Variants in CPQ observed in about 807,000 individuals in gnomAD.
The protein encoded by CPQ is carboxypeptidase Q, also known as Ser-Met dipeptidase.
In CPQ, 37 loss-of-function variants were observed where a neutral mutation model predicts 45.7. That is an observed-to-expected ratio of 0.81 (90% CI 0.62 to 1.07). The LOEUF (loss-of-function observed/expected upper bound fraction) is 1.07, where lower values mean the gene tolerates loss of function less well. Ranked by LOEUF, CPQ falls within the 50% of genes least tolerant of loss-of-function variation. The pLI is 0.00. For synonymous variants in CPQ, 186 were observed against 205.8 expected (o/e 0.90, Z 0.82); for missense variants, 537 against 572.9 (o/e 0.94, Z 0.64).
chr8:96,671,557 G>A (rs1563697801), intron 1 of CPQ, among the ~76,000 whole-genome samples: 1 of 152,068 alleles, frequency 6.6e-6, no homozygotes, highest in African/African-American at 2.4e-5. Flanking sequence ...AAAACAAATG[G>A]CCTACCTAAG....
chr8:96,887,832 A>G (rs1262741045), intron 4 of CPQ, among the ~76,000 whole-genome samples: 1 of 152,182 alleles, frequency 6.6e-6, no homozygotes, highest in Admixed American at 6.5e-5. Context: ...GCCTTGATGC[A>G]GTGAATTTTT....
At chr8:97,034,978 C>T (rs537674070) in intron 6 of CPQ, among the ~76,000 whole-genome samples, 41 of 151,860 alleles carry the variant, frequency 2.7e-4, no homozygotes, top group Middle Eastern at 3.4e-3. Context: ...CTGCAACCTC[C>T]GCCTCCCGGG....
intron 1 of CPQ, among the ~76,000 whole-genome samples, chr8:96,734,606 G>A (rs1254368445): frequency 1.3e-5 from 2 of 152,048 alleles, no homozygotes; most frequent in Admixed American, 6.5e-5. Flanking sequence ...AGCTACTCGG[G>A]AGGCTGAGGC....
chr8:96,653,957 T>G (rs149735062), intron 1 of CPQ, among the ~76,000 whole-genome samples: 68 of 152,362 alleles, frequency 4.5e-4, no homozygotes, highest in African/African-American at 1.5e-3. Flanking sequence ...AAAGTTTATC[T>G]TAAAATGTTT....
intron 1 of CPQ, among the ~76,000 whole-genome samples, chr8:96,708,431 G>GTATATA (rs1253933427): frequency 1.1e-5 from 1 of 91,656 alleles, no homozygotes; most frequent in African/African-American, 3.1e-5. Context: ...GTGTGTGTGT[G>GTATATA]TGTGTGTATA....
chr8:97,013,545 G>C (rs915663903), intron 5 of CPQ, among the ~76,000 whole-genome samples: 2 of 152,178 alleles, frequency 1.3e-5, no homozygotes, highest in African/African-American at 4.8e-5. Context: ...TCCAGAGAAA[G>C]GAGAGAGTGG....
At chr8:96,870,892 G>C (rs1314083454) in intron 3 of CPQ, among the ~76,000 whole-genome samples, 1 of 151,848 alleles carries the variant, frequency 6.6e-6, no homozygotes, top group Admixed American at 6.6e-5. Flanking sequence ...TTGAATAAAG[G>C]CCTTTCTCTG....
chr8:96,806,216 C>T (rs374355157), intron 2 of CPQ, among the ~76,000 whole-genome samples: 4 of 152,022 alleles, frequency 2.6e-5, no homozygotes, highest in Non-Finnish European at 4.4e-5. Context: ...CATCTTAGAG[C>T]CTCACACTAC....
intron 6 of CPQ, among the ~76,000 whole-genome samples, chr8:97,042,841 G>A (rs1038450589): frequency 1.3e-5 from 2 of 152,126 alleles, no homozygotes; most frequent in African/African-American, 4.8e-5. Context: ...TTGCACTGTG[G>A]TCTGAGAGAC....
intron 1 of CPQ, among the ~76,000 whole-genome samples, chr8:96,747,117 G>C (rs1986306): frequency 0.63 from 95,311 of 151,656 alleles, 30,470 homozygotes; most frequent in East Asian, 0.87. Flanking sequence ...ATGTTGAAAC[G>C]CTGTCTCTAC....
At chr8:96,717,904 A>G (rs1376770474) in intron 1 of CPQ, among the ~76,000 whole-genome samples, 1 of 152,176 alleles carries the variant, frequency 6.6e-6, no homozygotes, top group Non-Finnish European at 1.5e-5. Flanking sequence ...AGTGGGGAGT[A>G]GCAGGTGACA....
intron 4 of CPQ, among the ~76,000 whole-genome samples, chr8:96,935,151 T>G (rs1047910341): frequency 6.6e-6 from 1 of 152,166 alleles, no homozygotes; most frequent in African/African-American, 2.4e-5. Flanking sequence ...TTAACTTTTC[T>G]CAGTGTGGCT....
intron 6 of CPQ, among the ~76,000 whole-genome samples, chr8:97,042,952 T>C (rs1232312984): frequency 5.9e-5 from 9 of 152,022 alleles, no homozygotes; most frequent in Non-Finnish European, 1.2e-4. Flanking sequence ...CTGAAAAAAA[T>C]GTATATTCTG....
chr8:96,961,474 GTCT>G (rs748906163), intron 4 of CPQ, among the ~76,000 whole-genome samples: 8 of 152,190 alleles, frequency 5.3e-5, no homozygotes, highest in African/African-American at 1.7e-4. Flanking sequence ...TATTGTAAAT[GTCT>G]TCTTCTAATT....
intron 5 of CPQ, among the ~76,000 whole-genome samples, chr8:96,973,798 C>A (rs1443689597): frequency 6.6e-6 from 1 of 152,102 alleles, no homozygotes; most frequent in Non-Finnish European, 1.5e-5. Flanking sequence ...GAAAGATAGT[C>A]TTTTCCAGAC....
chr8:96,707,980 G>A (rs1163277074), intron 1 of CPQ, among the ~76,000 whole-genome samples: 1 of 152,094 alleles, frequency 6.6e-6, no homozygotes, highest in Non-Finnish European at 1.5e-5. Context: ...TGTTCTCACT[G>A]GGCTAAAATC....
intron 6 of CPQ, among the ~76,000 whole-genome samples, chr8:97,046,220 A>G (rs963437576): frequency 3.3e-5 from 5 of 151,234 alleles, no homozygotes; most frequent in African/African-American, 7.3e-5. Context: ...TGTAAAAAAC[A>G]CAAAGGCATA....
At chr8:96,724,654 C>T (rs895195875) in intron 1 of CPQ, among the ~76,000 whole-genome samples, 2 of 152,228 alleles carry the variant, frequency 1.3e-5, no homozygotes, top group Middle Eastern at 3.4e-3. Context: ...TTGGAAGAAT[C>T]AATATCTTTA....
intron 4 of CPQ, among the ~76,000 whole-genome samples, chr8:96,890,771 C>T (rs186507193): frequency 1.3e-4 from 20 of 152,316 alleles, no homozygotes; most frequent in Admixed American, 1.3e-3. Flanking sequence ...CCCTCTGGAA[C>T]TAAGACTTCT....
Sources: gnomAD v4.1 joint callset for allele counts (sites outside exome capture counted in the v4.1 genomes callset) on GRCh38, gnomAD v4.1.1 for gene constraint, MANE v1.5 for transcripts, NCBI Gene and HGNC (gene_info 2026-07-23, HGNC 2026-07-21) for gene names.